The following ARL10 variants were observed in gnomAD, a reference collection of about 807,000 sequenced individuals.
ARL10 encodes ADP-ribosylation factor-like protein 10.
Under a neutral mutation model 26.1 loss-of-function variants are expected in ARL10, and 23 were observed. That is an observed-to-expected ratio of 0.88 (90% CI 0.63 to 1.25). The LOEUF is 1.25. ARL10 is among the 50% of genes most tolerant of loss of function. ARL10 has a pLI of 0.00. For synonymous variants in ARL10, 138 were observed against 149.1 expected, an observed-to-expected ratio of 0.93 and a Z score of 0.54; for missense variants, 300 against 323.6, an observed-to-expected ratio of 0.93 and a Z score of 0.56.
At chr5:176,410,190 T>G in the ARL10 span, 120 of 1,345,384 alleles carry the variant, frequency 8.9e-5, no homozygotes, top group Non-Finnish European at 1.2e-4. Context: ...CCTACAACAA[T>G]GAGGCTTTAG....
At chr5:176,409,054 G>A in the ARL10 span, among the ~76,000 whole-genome samples, 3 of 151,940 alleles carry the variant, frequency 2.0e-5, no homozygotes, top group East Asian at 1.9e-4. Context: ...TCGGCTCACC[G>A]CAACCTCCCA....
downstream of ARL10, chr5:176,389,084 A>G (rs1756146011): frequency 4.3e-6 from 6 of 1,395,812 alleles, no homozygotes; most frequent in South Asian, 6.3e-5. Context: ...GGACTAGAGA[A>G]GAGACGAGGG....
chr5:176,392,587 T>C, downstream of ARL10: 1 of 611,918 alleles, frequency 1.6e-6, no homozygotes, highest in South Asian at 2.0e-5. This position sits in a 1 kb window ranked among gnomAD's most constrained non-coding sequence, Gnocchi z 5.2. Flanking sequence ...CGTGAGGGGC[T>C]GGACCAGAGG....
intron 3 of ARL10, among the ~76,000 whole-genome samples, chr5:176,369,681 C>T (rs1366330421): frequency 2.6e-5 from 4 of 152,010 alleles, no homozygotes; most frequent in African/African-American, 9.7e-5. Flanking sequence ...TTGGTCCAGG[C>T]GTGGTGGCTC....
chr5:176,414,432 C>CTT, the ARL10 span, among the ~76,000 whole-genome samples: 10 of 134,708 alleles, frequency 7.4e-5, no homozygotes, highest in Non-Finnish European at 9.5e-5. Context: ...GCTATAGAAT[C>CTT]TTTTTTTTTT....
the ARL10 span, among the ~76,000 whole-genome samples, chr5:176,409,333 T>C: frequency 6.6e-6 from 1 of 150,888 alleles, no homozygotes; most frequent in Non-Finnish European, 1.5e-5. Flanking sequence ...GTGTATATTA[T>C]TCTGCAAGCT....
downstream of ARL10, chr5:176,389,081 AGAAGAGACGAGGGGGC>A: frequency 1.4e-6 from 2 of 1,400,694 alleles, no homozygotes; most frequent in Admixed American, 1.9e-5. Flanking sequence ...AGCGGACTAG[AGAAGAGACGAGGGGGC>A]GGGGCGGTGA....
intron 1 of ARL10, chr5:176,397,803 C>A (rs1756618396): frequency 6.6e-7 from 1 of 1,506,558 alleles, no homozygotes. Context: ...CCCTGCCAGG[C>A]AGCCACAGGG....
chr5:176,410,140 T>A, the ARL10 span: 3 of 868,740 alleles, frequency 3.5e-6, no homozygotes, highest in Middle Eastern at 2.6e-4. Flanking sequence ...TCCACCCCAA[T>A]GCATCAGACA....
At chr5:176,396,626 GCATT>G in intron 1 of ARL10, 6 of 857,000 alleles carry the variant, frequency 7.0e-6, no homozygotes, top group Non-Finnish European at 1.2e-5. Flanking sequence ...GAGAGAGACA[GCATT>G]AGTACCTCCA....
At position 176,398,907 on chromosome 5, in the gene ARL10, A is replaced by G. The variant is rs530830601; in HGVS notation, c.134-2834A>G. ...TCCCAGGCTGGAGTGCAATGGTGCA[A>G]TGTTGGTTCACTGCAACCTCTGCCT... On this transcript the variant is annotated intron_variant, in intron 1 of 1. Coordinates refer to the ARL10 transcript ENST00000514533. 1.1e-3 allele frequency among the ~76,000 whole-genome samples: 167 copies of G among 150,586 alleles called. 1 individual carries two copies. The highest frequency in any genetic ancestry group is 3.9e-3 in the African/African-American group (160 of 41,104).
At chr5:176,413,225 AG>A in the ARL10 span, among the ~76,000 whole-genome samples, 1 of 152,290 alleles carries the variant, frequency 6.6e-6, no homozygotes, top group South Asian at 2.1e-4. Context: ...GACACGTCCC[AG>A]GGATAAACCC....
At chr5:176,370,890 T>A (rs182173976) in intron 3 of ARL10, among the ~76,000 whole-genome samples, 1 of 152,332 alleles carries the variant, frequency 6.6e-6, no homozygotes, top group East Asian at 1.9e-4. Context: ...CATCTCTCCA[T>A]GACTGAGTTT....
At chr5:176,400,914 C>A (rs909680201) in intron 1 of ARL10, among the ~76,000 whole-genome samples, 1 of 152,162 alleles carries the variant, frequency 6.6e-6, no homozygotes, top group Non-Finnish European at 1.5e-5. Context: ...AGAGGGAACA[C>A]ATAGATGGAA....
At chr5:176,370,261 A>G (rs1056673848) in intron 3 of ARL10, among the ~76,000 whole-genome samples, 4 of 152,188 alleles carry the variant, frequency 2.6e-5, no homozygotes, top group Non-Finnish European at 4.4e-5. Flanking sequence ...TTGAACTCAG[A>G]TATTCTTCAA....
chr5:176,392,117 C>T (rs1393033386), downstream of ARL10, among the ~76,000 whole-genome samples: 2 of 152,198 alleles, frequency 1.3e-5, no homozygotes, highest in Non-Finnish European at 2.9e-5. This position sits in a 1 kb window ranked among gnomAD's most constrained non-coding sequence, Gnocchi z 5.2. Context: ...AGGGGAGTCT[C>T]ATGGGTCTTC....
Position 176,371,892 on chromosome 5 carries a change from C to G in ARL10, c.732C>G (p.Ser244=), listed in dbSNP as rs183804936. The change falls in exon 4 of 4, where the codon TCC becomes TCG. Residue 244 remains serine, a synonymous_variant. Coordinates refer to ENST00000310389, the MANE Select transcript of ARL10 (RefSeq NM_173664.6). ...GGAAACTGCTCTTGGAGCTCCTCTC[C>G]TAGGCTGGAGCTCTCCTGCTTGCCA... is the stretch of plus-strand genomic sequence containing the variant. ...HIWKLLLELL[S] The G allele has an allele frequency of 1.9e-6, 3 of 1,613,750 alleles. No individual in the cohort carries two copies. Among genetic ancestry groups the G allele is most frequent in the Non-Finnish European group, 2.5e-6 (3 of 1,179,750 alleles).
downstream of ARL10, among the ~76,000 whole-genome samples, chr5:176,405,085 C>T (rs1757037105): frequency 6.6e-6 from 1 of 152,220 alleles, no homozygotes; most frequent in East Asian, 1.9e-4. Context: ...TGGCTGGTGC[C>T]TACACAGAGA....
downstream of ARL10, among the ~76,000 whole-genome samples, chr5:176,403,375 G>C (rs182136032): frequency 5.4e-3 from 824 of 151,580 alleles, 5 homozygotes; most frequent in Non-Finnish European, 6.8e-3. Context: ...TAAGACTCCA[G>C]AGAACTTGCA....
Sources: gnomAD v4.1 joint callset for allele counts (sites outside exome capture counted in the v4.1 genomes callset) on GRCh38, gnomAD v4.1.1 for gene constraint, Gnocchi (gnomAD v3.1) non-coding constraint, MANE v1.5 for transcripts, NCBI Gene and HGNC (gene_info 2026-07-23, HGNC 2026-07-21) for gene names.